Variants in RAB19 observed in about 807,000 individuals in gnomAD.
RAB19 encodes RAB19, member RAS oncogene family, also known as ras-related protein Rab-19.
RAB19 carries 21 observed loss-of-function variants against 17.3 expected under a neutral mutation model. That is an observed-to-expected ratio of 1.21 (90% CI 0.86 to 1.74). The LOEUF (loss-of-function observed/expected upper bound fraction) is 1.74. Ranked by LOEUF, RAB19 falls within the 40% of genes most tolerant of loss-of-function variation. The pLI is 0.00. For missense variants in RAB19, 277 were observed against 286.8 expected (o/e 0.97, Z 0.25); for synonymous variants, 126 against 110.4 (o/e 1.14, Z -0.88).
Position 140,411,885 on chromosome 7 carries a change from G to C in RAB19, c.213G>C (p.Trp71Cys). Residue 71 changes from tryptophan (W) to cysteine (C), a missense_variant, in exon 3 of 4, where the codon TGG (tryptophan) becomes TGC (cysteine). Trp to Cys is a radical substitution (Grantham distance 215, BLOSUM62 -2). Transcript: ENST00000537763. ...CTGTCCTTCTCCAGATGCAGGTGTGGGACACAGCTGGCCAGGAGCGCTTCC... is the reference window on the plus strand; with the variant it reads ...CTGTCCTTCTCCAGATGCAGGTGTGCGACACAGCTGGCCAGGAGCGCTTCC... ...IDGKKVKMQV[W>C]DTAGQERFRT... The C allele has an allele frequency of 1.2e-6, 2 of 1,614,184 alleles. No homozygotes were observed. Among genetic ancestry groups the C allele is most frequent in the Non-Finnish European group, 1.7e-6 (2 of 1,180,044 alleles).
chr7:140,409,792 G>T (rs1395689419), intron 2 of RAB19, among the ~76,000 whole-genome samples: 1 of 151,970 alleles, frequency 6.6e-6, no homozygotes, highest in Non-Finnish European at 1.5e-5. Context: ...AGGAGATTGA[G>T]ACCATCCTGG....
intron 3 of RAB19, among the ~76,000 whole-genome samples, chr7:140,424,576 T>C (rs1301654927): frequency 1.4e-5 from 2 of 144,200 alleles, no homozygotes; most frequent in Non-Finnish European, 3.0e-5. Context: ...AAGGGTAAAC[T>C]GGACCTCTCC....
intron 1 of RAB19, among the ~76,000 whole-genome samples, chr7:140,406,729 A>C (rs1163027199): frequency 6.6e-6 from 1 of 151,980 alleles, no homozygotes; most frequent in Non-Finnish European, 1.5e-5. Flanking sequence ...CCATGGTTTT[A>C]ATTTTGAATA....
chr7:140,404,861 T>C (rs1477934044), intron 1 of RAB19, among the ~76,000 whole-genome samples: 1 of 152,140 alleles, frequency 6.6e-6, no homozygotes, highest in Non-Finnish European at 1.5e-5. Flanking sequence ...AAATATCTGA[T>C]GGGCTGTCAT....
chr7:140,410,878 T>C, intron 2 of RAB19: 1 of 1,326,740 alleles, frequency 7.5e-7, no homozygotes, highest in Non-Finnish European at 1.0e-6. Context: ...TGAGAGGCTG[T>C]GTGAATTGGT....
At chr7:140,416,818 G>A (rs544119386) in intron 3 of RAB19, among the ~76,000 whole-genome samples, 38 of 152,242 alleles carry the variant, frequency 2.5e-4, no homozygotes, top group African/African-American at 8.7e-4. Context: ...GCTGGGCGCC[G>A]TGGCTCACAC....
chr7:140,421,149 C>T (rs1202152460), intron 3 of RAB19, among the ~76,000 whole-genome samples: 1 of 152,054 alleles, frequency 6.6e-6, no homozygotes, highest in East Asian at 1.9e-4. Flanking sequence ...CCTTGGCCTC[C>T]CAAAGTGCTG....
chr7:140,426,152 A>T lies in RAB19; in HGVS notation c.*2A>T. The T allele has an allele frequency of 1.9e-6, 3 of 1,611,308 alleles. No individual in the cohort carries two copies. The highest frequency in any genetic ancestry group is 1.1e-5 in the South Asian group (1 of 90,882). ...GAAAAGACCCACTGCACTTGCTAAG[A>T]TGTTTGCAAAGCCAGTTGCACCCAC... is the stretch of plus-strand genomic sequence containing the variant. On this transcript the variant is annotated 3_prime_UTR_variant, in exon 4 of 4. Transcript: ENST00000537763.
intron 3 of RAB19, among the ~76,000 whole-genome samples, chr7:140,417,150 C>A (rs1376793986): frequency 1.3e-5 from 2 of 150,554 alleles, no homozygotes; most frequent in African/African-American, 4.9e-5. Flanking sequence ...GCACAAGAAT[C>A]ACTTGAACCT....
chr7:140,418,961 T>C (rs948669935), intron 3 of RAB19, among the ~76,000 whole-genome samples: 1 of 152,120 alleles, frequency 6.6e-6, no homozygotes, highest in Non-Finnish European at 1.5e-5. Flanking sequence ...GCTTTTATGA[T>C]AAACACTTCT....
Position 140,424,653 on chromosome 7 carries a change from A to G in RAB19, c.386-1229A>G, listed in dbSNP as rs796927511. On this transcript the variant is annotated intron_variant, in intron 3 of 3. Coordinates refer to ENST00000537763, the MANE Select transcript of RAB19 (RefSeq NM_001008749.3). ...TATATATATATATGTGTGTGTGTAT[A>G]TATGTGTGTGTATATATATATATAT... 6.3e-3 allele frequency among the ~76,000 whole-genome samples: 633 copies of G among 100,298 alleles called. 4 individuals carry two copies. The highest frequency in any genetic ancestry group is 0.028 in the African/African-American group (572 of 20,380). 65.8% of individuals were successfully genotyped at this position (100,298 alleles called of 152,430 possible).
At chr7:140,419,312 A>G (rs566185906) in intron 3 of RAB19, among the ~76,000 whole-genome samples, 38 of 151,302 alleles carry the variant, frequency 2.5e-4, no homozygotes, top group Non-Finnish European at 4.4e-4. Context: ...CAAGTGATCC[A>G]CCCACCTCAG....
At chr7:140,417,873 A>T (rs7776466) in intron 3 of RAB19, among the ~76,000 whole-genome samples, 3,469 of 152,044 alleles carry the variant, frequency 0.023, 105 homozygotes, top group African/African-American at 0.072. Flanking sequence ...CCCCCTTGTA[A>T]GGTTACTTGT....
Position 140,411,987 on chromosome 7 carries a change from C to G in RAB19, c.315C>G (p.Phe105Leu). The G allele has an allele frequency of 1.9e-6, 3 of 1,614,104 alleles. No individual in the cohort carries two copies. The highest frequency in any genetic ancestry group is 2.5e-6 in the Non-Finnish European group (3 of 1,180,034). ...IAYDLTRRST[F>L]ESIPHWIHEI... is the part of the protein sequence containing the mutation. ...ATGACCTCACCCGGCGGTCCACGTT[C>G]GAGTCCATCCCTCACTGGATTCATG... is the stretch of plus-strand genomic sequence containing the variant. The change falls in exon 3 of 4, where the codon TTC (phenylalanine) becomes TTG (leucine). Residue 105 changes from phenylalanine (F) to leucine (L), a missense_variant. Coordinates refer to ENST00000537763, the MANE Select transcript of RAB19 (RefSeq NM_001008749.3).
chr7:140,407,949 C>G (rs537905290), intron 2 of RAB19, 102 bp downstream of exon 2: 2 of 954,292 alleles, frequency 2.1e-6, no homozygotes, highest in Admixed American at 5.1e-5. Context: ...ACTGCAAGCT[C>G]CGCCTCCCGG....
chr7:140,412,772 G>A (rs1799390745), intron 3 of RAB19, among the ~76,000 whole-genome samples: 1 of 150,996 alleles, frequency 6.6e-6, no homozygotes, highest in Admixed American at 6.7e-5. Flanking sequence ...TGGGTACAGT[G>A]GGTTCTTAAA....
chr7:140,406,442 C>T (rs983878791), intron 1 of RAB19, among the ~76,000 whole-genome samples: 3 of 151,686 alleles, frequency 2.0e-5, no homozygotes, highest in Non-Finnish European at 4.4e-5. Flanking sequence ...GCATTCGAGA[C>T]CAGCCTGACC....
At chr7:140,412,862 A>G (rs1383240583) in intron 3 of RAB19, among the ~76,000 whole-genome samples, 1 of 151,884 alleles carries the variant, frequency 6.6e-6, no homozygotes, top group East Asian at 2.0e-4. Flanking sequence ...GTGGTGGTTC[A>G]TGCCTGTAAT....
intron 3 of RAB19, among the ~76,000 whole-genome samples, chr7:140,417,251 A>AAT (rs1399094945): frequency 6.6e-6 from 1 of 150,628 alleles, no homozygotes; most frequent in Non-Finnish European, 1.5e-5. Flanking sequence ...AAAAAAAAAA[A>AAT]ATTAGCTGGA....
Sources: allele counts gnomAD v4.1 joint callset (sites outside exome capture counted in the v4.1 genomes callset), GRCh38; gene constraint gnomAD v4.1.1; transcripts MANE v1.5; gene names NCBI Gene and HGNC (gene_info 2026-07-23, HGNC 2026-07-21).